C16orf74: variants seen among roughly 807,000 people sequenced by gnomAD.
C16orf74 encodes the protein calcimembrin.
A neutral mutation model predicts 6.5 loss-of-function variants in C16orf74; 10 were observed. The ratio of observed to expected loss-of-function variants is 1.54; its 90% confidence interval spans 0.95 to 2.61. The LOEUF is 2.61. C16orf74 is among the 30% of genes most tolerant of loss of function. The pLI is 0.00. For missense variants in C16orf74, 141 were observed against 105.9 expected, an observed-to-expected ratio of 1.33 and a Z score of -1.45; for synonymous variants, 60 against 42.5, an observed-to-expected ratio of 1.41 and a Z score of -1.60.
intron 1 of C16orf74, among the ~76,000 whole-genome samples, chr16:85,737,249 G>T (rs565509730): frequency 6.6e-6 from 1 of 152,242 alleles, no homozygotes; most frequent in African/African-American, 2.4e-5. Flanking sequence ...GCTGTTCCCA[G>T]AATGGCCCAT....
chr16:85,746,955 C>G (rs1041457963), intron 1 of C16orf74, among the ~76,000 whole-genome samples: 1 of 152,194 alleles, frequency 6.6e-6, no homozygotes, highest in Non-Finnish European at 1.5e-5. Flanking sequence ...TTCAGCTTAG[C>G]CACGGTCCTG....
intron 1 of C16orf74, among the ~76,000 whole-genome samples, chr16:85,748,091 AAT>A (rs1321385774): frequency 7.5e-5 from 5 of 66,930 alleles, no homozygotes; most frequent in African/African-American, 1.3e-4. Context: ...GTCTCAAAAA[AAT>A]ATATATATAT....
At chr16:85,736,851 C>T (rs1296860813) in intron 1 of C16orf74, among the ~76,000 whole-genome samples, 2 of 152,154 alleles carry the variant, frequency 1.3e-5, no homozygotes, top group Non-Finnish European at 2.9e-5. Context: ...CAAGACCAGC[C>T]TGGCCAACAT....
intron 2 of C16orf74, among the ~76,000 whole-genome samples, chr16:85,714,420 ATTTATTTATTTATT>A: frequency 6.7e-6 from 1 of 148,724 alleles, no homozygotes; most frequent in African/African-American, 2.5e-5. Flanking sequence ...TTATTTATTT[ATTTATTTATTTATT>A]TTTGAGACGG....
chr16:85,733,722 T>C (rs186096625), intron 2 of C16orf74, among the ~76,000 whole-genome samples: 1 of 152,230 alleles, frequency 6.6e-6, no homozygotes, highest in East Asian at 1.9e-4. Flanking sequence ...CAGATACTCA[T>C]TCAACAAACA....
At chr16:85,737,589 G>A (rs752283020) in intron 1 of C16orf74, among the ~76,000 whole-genome samples, 1 of 152,164 alleles carries the variant, frequency 6.6e-6, no homozygotes, top group Non-Finnish European at 1.5e-5. Flanking sequence ...CAGCACTTTG[G>A]GAGGCCGAGG....
At chr16:85,748,295 A>G (rs1031960745) in intron 1 of C16orf74, among the ~76,000 whole-genome samples, 1 of 151,972 alleles carries the variant, frequency 6.6e-6, no homozygotes, top group East Asian at 1.9e-4. Context: ...TGATTGGCAA[A>G]TGGTTGAGAG....
chr16:85,744,621 G>T (rs388731), intron 1 of C16orf74, among the ~76,000 whole-genome samples: 3 of 151,686 alleles, frequency 2.0e-5, no homozygotes, highest in Non-Finnish European at 4.4e-5. Flanking sequence ...ACGAGGTCAG[G>T]AGATCGAGAC....
chr16:85,746,530 C>G (rs959901242), intron 1 of C16orf74, among the ~76,000 whole-genome samples: 1 of 152,168 alleles, frequency 6.6e-6, no homozygotes, highest in African/African-American at 2.4e-5. Context: ...AGAGCCACCT[C>G]CCAGATGAAA....
At chr16:85,720,893 G>A (rs1416196709) in intron 2 of C16orf74, among the ~76,000 whole-genome samples, 1 of 151,506 alleles carries the variant, frequency 6.6e-6, no homozygotes, top group African/African-American at 2.4e-5. Flanking sequence ...TTCGATACCA[G>A]CCTGGCCAAC....
intron 2 of C16orf74, chr16:85,710,704 G>A (rs1598778208): frequency 5.8e-6 from 1 of 173,362 alleles, no homozygotes; most frequent in East Asian, 1.6e-4. Flanking sequence ...CTAGGCTCCT[G>A]GGGCCCCTTC....
chr16:85,729,490 C>T (rs913866764), intron 2 of C16orf74, among the ~76,000 whole-genome samples: 1 of 152,214 alleles, frequency 6.6e-6, no homozygotes, highest in Non-Finnish European at 1.5e-5. Context: ...TGTTGCCAGA[C>T]AGGAGAAGCA....
At chr16:85,713,816 A>C (rs1449607729) in intron 2 of C16orf74, among the ~76,000 whole-genome samples, 2 of 152,190 alleles carry the variant, frequency 1.3e-5, no homozygotes, top group Non-Finnish European at 2.9e-5. Context: ...GTCACGCACC[A>C]TCGTCAGGAG....
intron 1 of C16orf74, among the ~76,000 whole-genome samples, chr16:85,735,926 C>T (rs2054239623): frequency 6.6e-6 from 1 of 152,162 alleles, no homozygotes; most frequent in African/African-American, 2.4e-5. Flanking sequence ...GGTACTATTA[C>T]TGTCCCCACT....
Position 85,707,927 on chromosome 16 carries a change from T to TG in C16orf74, c.*80dup. 2 of 1,267,686 alleles carry TG rather than the reference T, an allele frequency of 1.6e-6. No individual in the cohort carries two copies. The highest frequency in any genetic ancestry group is 2.2e-6 in the Non-Finnish European group (2 of 897,554). 78.5% of individuals were successfully genotyped at this position (1,267,686 alleles called of 1,614,324 possible). A position where few individuals can be genotyped will look rare whatever the true frequency, so the allele number is the denominator to read the frequency against. ...TCCCATCCAGGGTATTCAGCACACC[T>TG]GCTCCAGGCAGCCACGCCCCCGGAC... On this transcript the variant is annotated 3_prime_UTR_variant, in exon 4 of 4. Coordinates refer to ENST00000284245, the MANE Select transcript of C16orf74 (RefSeq NM_206967.3).
intron 2 of C16orf74, among the ~76,000 whole-genome samples, chr16:85,732,572 A>G (rs2054200950): frequency 6.8e-6 from 1 of 146,260 alleles, no homozygotes; most frequent in Admixed American, 7.1e-5. Flanking sequence ...AGGCTGAGGC[A>G]GGAGAATTGC....
chr16:85,738,697 G>A (rs2054271199), intron 1 of C16orf74, among the ~76,000 whole-genome samples: 1 of 151,838 alleles, frequency 6.6e-6, no homozygotes, highest in Non-Finnish European at 1.5e-5. Flanking sequence ...CCTTCCCTAT[G>A]GGAGGAGTGA....
At chr16:85,732,747 A>G (rs1157314517) in intron 2 of C16orf74, among the ~76,000 whole-genome samples, 1 of 149,068 alleles carries the variant, frequency 6.7e-6, no homozygotes, top group East Asian at 2.0e-4. Flanking sequence ...TGTGGGCCTC[A>G]TCACCTCCAG....
intron 2 of C16orf74, among the ~76,000 whole-genome samples, chr16:85,729,372 G>A (rs1299387823): frequency 6.6e-6 from 1 of 152,216 alleles, no homozygotes; most frequent in African/African-American, 2.4e-5. Context: ...CTTGAGCAGA[G>A]GGACTCTGCA....
Sources: gnomAD v4.1 joint callset for allele counts (sites outside exome capture counted in the v4.1 genomes callset) on GRCh38, gnomAD v4.1.1 for gene constraint, MANE v1.5 for transcripts, NCBI Gene and HGNC (gene_info 2026-07-23, HGNC 2026-07-21) for gene names.